NTM: variants seen among roughly 807,000 people sequenced by gnomAD.
The protein encoded by NTM is neurotrimin.
NTM carries 13 observed loss-of-function variants against 42.1 expected under a neutral mutation model. The observed-to-expected ratio is 0.31, with a 90% CI of 0.20 to 0.49. The LOEUF (loss-of-function observed/expected upper bound fraction) is 0.49, where lower values mean the gene tolerates loss of function less well. Among genes scored for constraint, NTM ranks in the 20% least tolerant of loss-of-function variants. The pLI is 0.99. For missense variants in NTM, 373 were observed against 452.8 expected (o/e 0.82, Z 1.60); for synonymous variants, 187 against 179.2 (o/e 1.04, Z -0.35).
At chr11:131,527,520 G>T (rs1168675473) in intron 1 of NTM, among the ~76,000 whole-genome samples, 1 of 152,194 alleles carries the variant, frequency 6.6e-6, no homozygotes, top group Non-Finnish European at 1.5e-5. Context: ...TCTATTTCCT[G>T]GATATAGGCC....
intron 1 of NTM, among the ~76,000 whole-genome samples, chr11:131,873,877 A>G (rs1786009800): frequency 7.1e-6 from 1 of 141,140 alleles, no homozygotes; most frequent in African/African-American, 2.6e-5. Flanking sequence ...CTCATTGTTC[A>G]GCTCCCACTT....
rs567168804 is a variant in NTM, at chr11:131,973,766, G to A, written c.167+62118G>A. Among the ~76,000 whole-genome samples the A allele has an allele frequency of 3.5e-4, 54 of 152,288 alleles. No homozygotes were observed. The East Asian group carries it at 4.8e-3, about 14-fold the overall frequency. Reference sequence around the variant, plus strand: ...CGGGAGGCAGAGGTTGCAGTGAGCCGAGATTGCACCACTGCACTCTACCCT... The same window carrying A: ...CGGGAGGCAGAGGTTGCAGTGAGCCAAGATTGCACCACTGCACTCTACCCT... On this transcript the variant is annotated intron_variant, in intron 2 of 8. Transcript: ENST00000683400.
rs553625284 is a variant in NTM, at chr11:132,335,958, C to A, written c.*812C>A. On this transcript the variant is annotated 3_prime_UTR_variant, in exon 9 of 9. Transcript: ENST00000683400. ...AGGTTTACAACTGGTGGACCACACA[C>A]CAGGCACTAATCACCTGGTGAGGAT... 7.7e-4 allele frequency: 118 copies of A among 152,512 alleles called. 1 individual carries two copies. The highest frequency in any genetic ancestry group is 1.1e-3 in the Non-Finnish European group (76 of 68,004). The allele number at this position is 152,512 out of a possible 1,614,324, so 9.4% of individuals were successfully genotyped here.
intron 1 of NTM, among the ~76,000 whole-genome samples, chr11:131,559,390 GTCTTT>G (rs1565638510): frequency 6.6e-6 from 1 of 152,210 alleles, no homozygotes; most frequent in Non-Finnish European, 1.5e-5. Context: ...TTAACCAGCT[GTCTTT>G]TTACTTTTAA....
At chr11:132,064,355 A>G (rs1232300263) in intron 2 of NTM, among the ~76,000 whole-genome samples, 2 of 152,152 alleles carry the variant, frequency 1.3e-5, no homozygotes, top group Non-Finnish European at 2.9e-5. Context: ...AAAGTTACAT[A>G]TATATATGTG....
chr11:131,778,417 A>G (rs2087452891), intron 1 of NTM, among the ~76,000 whole-genome samples: 1 of 152,228 alleles, frequency 6.6e-6, no homozygotes, highest in African/African-American at 2.4e-5. Flanking sequence ...GATTTATCAG[A>G]TTTAATTTCA....
At chr11:131,668,521 T>C (rs2069521064) in intron 1 of NTM, among the ~76,000 whole-genome samples, 2 of 152,236 alleles carry the variant, frequency 1.3e-5, no homozygotes, top group Middle Eastern at 3.4e-3. Flanking sequence ...CTCCTGGCCC[T>C]TTCCCCTGTT....
At chr11:131,906,960 C>T (rs1324313469) in intron 1 of NTM, among the ~76,000 whole-genome samples, 2 of 152,148 alleles carry the variant, frequency 1.3e-5, no homozygotes, top group Non-Finnish European at 2.9e-5. Flanking sequence ...TATATTTTTC[C>T]AGTTCCCAGC....
intron 4 of NTM, among the ~76,000 whole-genome samples, chr11:132,296,072 C>T (rs912149948): frequency 2.6e-5 from 4 of 152,042 alleles, no homozygotes; most frequent in South Asian, 2.1e-4. Flanking sequence ...TTTTATCTTA[C>T]GAGAATGGGG....
intron 1 of NTM, among the ~76,000 whole-genome samples, chr11:131,376,225 TATTA>T (rs1941955989): frequency 6.6e-6 from 1 of 152,226 alleles, no homozygotes; most frequent in Non-Finnish European, 1.5e-5. Context: ...TCTGGGATCC[TATTA>T]ATTACAGAGT....
intron 1 of NTM, among the ~76,000 whole-genome samples, chr11:131,410,601 T>TGGGACACTTCCCTG (rs1946299487): frequency 4.6e-5 from 7 of 151,040 alleles, no homozygotes; most frequent in Non-Finnish European, 1.0e-4. Flanking sequence ...CTCTTCTTCC[T>TGGGACACTTCCCTG]GGGACACTTC....
intron 1 of NTM, among the ~76,000 whole-genome samples, chr11:131,696,254 G>A (rs562664966): frequency 6.6e-6 from 1 of 152,174 alleles, no homozygotes; most frequent in African/African-American, 2.4e-5. Flanking sequence ...AGCACAGGAC[G>A]CACCCGGGGA....
intron 1 of NTM, among the ~76,000 whole-genome samples, chr11:131,873,590 ATATATATACATATATATATACCG>A (rs1171150821): frequency 1.6e-5 from 1 of 63,634 alleles, no homozygotes; most frequent in Non-Finnish European, 3.3e-5. Context: ...TATATACCGT[ATATATATACATATATATATACCG>A]TATATATATA....
At chr11:131,496,544 C>CT (rs1449734875) in intron 1 of NTM, among the ~76,000 whole-genome samples, 1 of 152,218 alleles carries the variant, frequency 6.6e-6, no homozygotes, top group Admixed American at 6.5e-5. Context: ...TACCTCATCC[C>CT]CTTCATTGCT....
intron 1 of NTM, among the ~76,000 whole-genome samples, chr11:131,483,690 A>G (rs1265783820): frequency 2.0e-5 from 3 of 152,212 alleles, no homozygotes; most frequent in Non-Finnish European, 4.4e-5. Context: ...GCAGCAGCGA[A>G]GAAGAGCCGC....
At position 132,042,467 on chromosome 11, in the gene NTM, T is replaced by C. The variant is rs567562109; in HGVS notation, c.168-103815T>C. On this transcript the variant is annotated intron_variant, in intron 2 of 8. Coordinates refer to ENST00000683400, the MANE Select transcript of NTM (RefSeq NM_001352005.2). Reference sequence around the variant, plus strand: ...GCTGATGTGAGCCCAACCTTTTCAATGTCCCAGATGCTGGGATTTTCCACA... The same window carrying C: ...GCTGATGTGAGCCCAACCTTTTCAACGTCCCAGATGCTGGGATTTTCCACA... Among the ~76,000 whole-genome samples, 13 of 152,320 alleles carry C rather than the reference T, an allele frequency of 8.5e-5. No homozygotes were observed. In the East Asian group the frequency reaches 1.7e-3, roughly 20 times the overall value.
At chr11:131,819,986 C>T (rs985404524) in intron 1 of NTM, among the ~76,000 whole-genome samples, 2 of 152,186 alleles carry the variant, frequency 1.3e-5, no homozygotes, top group South Asian at 4.1e-4. Context: ...GTTATTAGGG[C>T]CTTTGTTCCA....
chr11:132,295,652 A>T (rs140582295), intron 4 of NTM, among the ~76,000 whole-genome samples: 1 of 152,182 alleles, frequency 6.6e-6, no homozygotes, highest in African/African-American at 2.4e-5. Context: ...GCACAGATCA[A>T]TACAATGCCT....
chr11:131,928,564 G>A (rs1308534951), intron 2 of NTM, among the ~76,000 whole-genome samples: 1 of 150,764 alleles, frequency 6.6e-6, no homozygotes, highest in African/African-American at 2.4e-5. Context: ...TGTTTTCTAT[G>A]GTCTCCCGTC....
Sources: gnomAD v4.1 joint callset for allele counts (sites outside exome capture counted in the v4.1 genomes callset) on GRCh38, gnomAD v4.1.1 for gene constraint, MANE v1.5 for transcripts, NCBI Gene and HGNC (gene_info 2026-07-23, HGNC 2026-07-21) for gene names.